The following RELN variants were observed in gnomAD, a reference collection of about 807,000 sequenced individuals.
RELN encodes reelin.
Under a neutral mutation model 427.6 loss-of-function variants are expected in RELN, and 108 were observed. That is an observed-to-expected ratio of 0.25 (90% CI 0.22 to 0.30). The LOEUF (loss-of-function observed/expected upper bound fraction) is 0.30, where lower values mean the gene tolerates loss of function less well. RELN is among the 10% of genes least tolerant of loss of function. The pLI is 1.00. For synonymous variants in RELN, 1,524 were observed against 1,513.4 expected (o/e 1.01, Z -0.16); for missense variants, 3,715 against 4,302.8 (o/e 0.86, Z 3.82).
intron 3 of RELN, among the ~76,000 whole-genome samples, chr7:103,799,530 G>A (rs980860824): frequency 4.6e-5 from 7 of 152,266 alleles, no homozygotes; most frequent in East Asian, 3.9e-4. Flanking sequence ...TGCACATGCT[G>A]TCCAATTATG....
intron 10 of RELN, among the ~76,000 whole-genome samples, chr7:103,694,306 G>A (rs960557527): frequency 1.1e-4 from 16 of 152,266 alleles, no homozygotes; most frequent in Admixed American, 9.8e-4. Flanking sequence ...CTGAGAGCAA[G>A]AGTTCTAAAG....
At chr7:103,645,825 A>C (rs1168182722) in intron 16 of RELN, among the ~76,000 whole-genome samples, 1 of 151,930 alleles carries the variant, frequency 6.6e-6, no homozygotes, top group African/African-American at 2.4e-5. Context: ...CAACCACAGA[A>C]TATACATTTT....
At chr7:103,905,179 C>G (rs577516257) in intron 2 of RELN, among the ~76,000 whole-genome samples, 1 of 151,950 alleles carries the variant, frequency 6.6e-6, no homozygotes, top group African/African-American at 2.4e-5. Context: ...CAGGGTTTCA[C>G]TGTATTGGCC....
intron 2 of RELN, among the ~76,000 whole-genome samples, chr7:103,856,211 T>C (rs975951072): frequency 1.3e-5 from 2 of 152,040 alleles, no homozygotes; most frequent in African/African-American, 4.8e-5. Flanking sequence ...TAATAGAATA[T>C]AATGCCACAT....
At chr7:103,623,343 C>G (rs1832260708) in intron 20 of RELN, among the ~76,000 whole-genome samples, 1 of 152,172 alleles carries the variant, frequency 6.6e-6, no homozygotes, top group Non-Finnish European at 1.5e-5. Context: ...CAAGAATACT[C>G]TAAGCTTGCT....
chr7:103,651,903 T>G (rs1832924251), intron 14 of RELN, 114 bp from the exon 15 acceptor site: 1 of 1,125,618 alleles, frequency 8.9e-7, no homozygotes, highest in African/African-American at 1.6e-5. Context: ...CAGTGTAAAA[T>G]TTTTTAAAGA....
chr7:103,486,328 C>T lies in RELN; in HGVS notation c.9852G>A (p.Glu3284=). 1 of 1,614,184 alleles carries T rather than the reference C, an allele frequency of 6.2e-7. No individual in the cohort carries two copies. The highest frequency in any genetic ancestry group is 8.5e-7 in the Non-Finnish European group (1 of 1,180,036). ...ESARVTEANW[E]TIQGGVIGSG... The stretch of plus-strand genomic sequence containing the variant: ...TTCCTATGACTCCACCTTGAATGGT[C>T]TCCCAGTTTGCCTCGGTGACTCTTG... The change falls in exon 61 of 65, where the codon GAG becomes GAA. Residue 3284 remains glutamate, a synonymous_variant. Transcript: ENST00000428762.
chr7:103,837,952 A>T (rs1268519141), intron 2 of RELN, among the ~76,000 whole-genome samples: 1 of 152,170 alleles, frequency 6.6e-6, no homozygotes, highest in East Asian at 1.9e-4. Flanking sequence ...TCATGTCTGT[A>T]ATCCCAGCAC....
chr7:103,604,096 T>G (rs1354497694), intron 23 of RELN, among the ~76,000 whole-genome samples: 2 of 152,174 alleles, frequency 1.3e-5, no homozygotes, highest in Non-Finnish European at 2.9e-5. Context: ...TTTAATAAAC[T>G]CTGACGTTGA....
Position 103,948,902 on chromosome 7 carries a change from C to A in RELN, c.227-31717G>T, listed in dbSNP as rs572794724. 1.9e-3 allele frequency among the ~76,000 whole-genome samples: 292 copies of A among 151,518 alleles called. 1 individual carries two copies. The highest frequency in any genetic ancestry group is 1.7e-3 in the South Asian group (8 of 4,784). On this transcript the variant is annotated intron_variant, in intron 1 of 64. Transcript: ENST00000428762. ...TGGTGGTGCATGCCTGTAGTCCCAGCTACTCAGGAGGCTAAGGTAGGAGGA... is the reference window on the plus strand; with the variant it reads ...TGGTGGTGCATGCCTGTAGTCCCAGATACTCAGGAGGCTAAGGTAGGAGGA...
chr7:103,962,646 T>C (rs929528787), intron 1 of RELN, among the ~76,000 whole-genome samples: 2 of 149,816 alleles, frequency 1.3e-5, no homozygotes, highest in Non-Finnish European at 3.0e-5. Context: ...TCCAAAGTTG[T>C]TGTGTGTGTG....
intron 11 of RELN, among the ~76,000 whole-genome samples, chr7:103,674,163 C>T (rs2382881): frequency 0.053 from 8,055 of 152,078 alleles, 714 homozygotes; most frequent in African/African-American, 0.18. Flanking sequence ...TTTAGCTCTG[C>T]CTATACTGAT....
Position 103,482,964 on chromosome 7 carries a change from G to A in RELN, c.10189C>T (p.Arg3397Trp), listed in dbSNP as rs1403459087. ...RVSYNVPLEA[R>W]MKGVLLRWWQ... ...CAGCGCAGTAAGACTCCTTTCATCC[G>A]TGCCTCCCTGGGTCACACACAGAAG... Residue 3397 changes from arginine to tryptophan, a missense_variant, in exon 63 of 65, where the codon CGG becomes TGG. Physicochemically the swap from Arg to Trp is moderately radical, Grantham distance 101 (BLOSUM62 -3). Coordinates refer to ENST00000428762, the MANE Select transcript of RELN (RefSeq NM_005045.4). The A allele has an allele frequency of 2.5e-6, 4 of 1,613,918 alleles. No individual in the cohort carries two copies. The highest frequency in any genetic ancestry group is 1.3e-5 in the African/African-American group (1 of 75,010).
intron 6 of RELN, among the ~76,000 whole-genome samples, chr7:103,734,038 T>C (rs1006026919): frequency 6.6e-6 from 1 of 152,178 alleles, no homozygotes; most frequent in Non-Finnish European, 1.5e-5. Context: ...GGATTTCATT[T>C]GCGGGATAAT....
intron 6 of RELN, among the ~76,000 whole-genome samples, chr7:103,740,071 G>C (rs999234119): frequency 2.0e-5 from 3 of 152,072 alleles, no homozygotes; most frequent in Non-Finnish European, 4.4e-5. Flanking sequence ...GGGACCAGAG[G>C]TGCATCCTCA....
chr7:103,905,066 T>C (rs918958712), intron 2 of RELN, among the ~76,000 whole-genome samples: 24 of 146,078 alleles, frequency 1.6e-4, no homozygotes, highest in African/African-American at 5.3e-4. Context: ...CTGCAACATC[T>C]GCCTCCGGGG....
intron 46 of RELN, 83 bp from the exon 47 acceptor site, chr7:103,523,614 A>G (rs1002318760): frequency 5.3e-6 from 7 of 1,319,144 alleles, no homozygotes; most frequent in Non-Finnish European, 7.6e-6. Flanking sequence ...TGCATGGAGA[A>G]GTGTAACACA....
intron 34 of RELN, 141 bp downstream of exon 34, chr7:103,565,137 T>C: frequency 9.2e-7 from 1 of 1,091,632 alleles, no homozygotes. Flanking sequence ...CCAAAGCACC[T>C]TGCACTTTTT....
At chr7:103,622,377 A>C (rs1192210487) in intron 20 of RELN, among the ~76,000 whole-genome samples, 1 of 152,170 alleles carries the variant, frequency 6.6e-6, no homozygotes, top group African/African-American at 2.4e-5. Flanking sequence ...TCCTAAGAAC[A>C]TGCAGATGAC....
Sources: gnomAD v4.1 joint callset for allele counts (sites outside exome capture counted in the v4.1 genomes callset) on GRCh38, gnomAD v4.1.1 for gene constraint, MANE v1.5 for transcripts, NCBI Gene and HGNC (gene_info 2026-07-23, HGNC 2026-07-21) for gene names.